B3GAT2: variants seen among roughly 807,000 people sequenced by gnomAD.
The protein encoded by B3GAT2 is galactosylgalactosylxylosylprotein 3-beta-glucuronosyltransferase 2.
Under a neutral mutation model 27.8 loss-of-function variants are expected in B3GAT2, and 26 were observed. That is an observed-to-expected ratio of 0.93 (90% CI 0.68 to 1.30). B3GAT2 has a LOEUF of 1.30. Among genes scored for constraint, B3GAT2 ranks in the 50% most tolerant of loss-of-function variants. The pLI is 0.00. For missense variants in B3GAT2, 458 were observed against 459.0 expected, an observed-to-expected ratio of 1.00 and a Z score of 0.02; for synonymous variants, 218 against 195.1, an observed-to-expected ratio of 1.12 and a Z score of -0.98.
intron 2 of B3GAT2, among the ~76,000 whole-genome samples, chr6:70,873,237 C>A (rs1190578086): frequency 1.3e-5 from 2 of 152,086 alleles, no homozygotes; most frequent in Non-Finnish European, 2.9e-5. Context: ...TCTTGTAGGG[C>A]ACATGTGCTA....
At chr6:70,894,649 C>T (rs1324002817) in intron 1 of B3GAT2, among the ~76,000 whole-genome samples, 1 of 152,212 alleles carries the variant, frequency 6.6e-6, no homozygotes, top group Non-Finnish European at 1.5e-5. Context: ...CTTTAGGAAA[C>T]TTCATTACTC....
At chr6:70,954,511 G>A (rs1765619938) in intron 1 of B3GAT2, among the ~76,000 whole-genome samples, 1 of 152,216 alleles carries the variant, frequency 6.6e-6, no homozygotes, top group Non-Finnish European at 1.5e-5. Context: ...AACTGGAAGA[G>A]TACAGAATAG....
intron 1 of B3GAT2, among the ~76,000 whole-genome samples, chr6:70,895,818 C>T (rs931727795): frequency 6.7e-6 from 1 of 149,196 alleles, no homozygotes; most frequent in Admixed American, 6.7e-5. Flanking sequence ...TGCTAACTCA[C>T]ACTAACTTTT....
Position 70,910,635 on chromosome 6 carries a change from T to C in B3GAT2, c.592-16363A>G, listed in dbSNP as rs1018489480. Among the ~76,000 whole-genome samples the C allele has an allele frequency of 2.6e-5, 4 of 152,174 alleles. No individual in the cohort carries two copies. The East Asian group carries it at 7.7e-4, about 29-fold the overall frequency. ...ACTGTGAATAGTGCTGCGATGAACG[T>C]GTGTGTGCATGTGTCTTTATGGTAG... On this transcript the variant is annotated intron_variant, in intron 1 of 3. Coordinates refer to ENST00000230053, the MANE Select transcript of B3GAT2 (RefSeq NM_080742.3).
chr6:70,935,700 G>T (rs76774779), intron 1 of B3GAT2, among the ~76,000 whole-genome samples: 7,053 of 152,138 alleles, frequency 0.046, 184 homozygotes, highest in Middle Eastern at 0.065. Flanking sequence ...ACAAGCAAAT[G>T]CTGAGAGAAT....
At chr6:70,898,428 C>G (rs1340858629) in intron 1 of B3GAT2, among the ~76,000 whole-genome samples, 1 of 152,182 alleles carries the variant, frequency 6.6e-6, no homozygotes, top group African/African-American at 2.4e-5. Context: ...TCAGACTCCT[C>G]TTTCCTGACA....
intron 1 of B3GAT2, among the ~76,000 whole-genome samples, chr6:70,944,026 A>G (rs950227196): frequency 2.6e-5 from 4 of 152,196 alleles, no homozygotes; most frequent in Admixed American, 2.0e-4. Flanking sequence ...TAATTCCACA[A>G]TGTATCCCTA....
chr6:70,856,800 A>G lies in B3GAT2; in HGVS notation c.*4863T>C. On this transcript the variant is annotated 3_prime_UTR_variant, in exon 4 of 4. Transcript: ENST00000230053. ...TATAACTTTATTTGGATTTTAAGTA[A>G]TGGATAAGCTGCGCTTTACTATGCA... is the stretch of plus-strand genomic sequence containing the variant. The G allele has an allele frequency of 6.8e-7, 1 of 1,462,502 alleles. No individual in the cohort carries two copies. Among genetic ancestry groups the G allele is most frequent in the South Asian group, 1.5e-5 (1 of 66,734 alleles). 90.6% of individuals were successfully genotyped at this position (1,462,502 alleles called of 1,614,324 possible). A position where few individuals can be genotyped will look rare whatever the true frequency, so the allele number is the denominator to read the frequency against.
chr6:70,900,504 T>A (rs1772480015), intron 1 of B3GAT2, among the ~76,000 whole-genome samples: 1 of 151,956 alleles, frequency 6.6e-6, no homozygotes, highest in Non-Finnish European at 1.5e-5. Context: ...TCCTCCCACC[T>A]CAGCCTTCTG....
chr6:70,946,042 A>T (rs913744931), intron 1 of B3GAT2, among the ~76,000 whole-genome samples: 3 of 152,114 alleles, frequency 2.0e-5, no homozygotes, highest in Non-Finnish European at 4.4e-5. Context: ...TGCCACCACC[A>T]GGCCTGCCCT....
At chr6:70,884,358 T>G (rs1033409572) in intron 2 of B3GAT2, among the ~76,000 whole-genome samples, 3 of 152,190 alleles carry the variant, frequency 2.0e-5, no homozygotes, top group African/African-American at 7.2e-5. Context: ...CGAGAAGCTT[T>G]AAATCTTAAT....
intron 1 of B3GAT2, among the ~76,000 whole-genome samples, chr6:70,927,509 A>T (rs1562231317): frequency 6.6e-6 from 1 of 152,242 alleles, no homozygotes; most frequent in Non-Finnish European, 1.5e-5. Context: ...AAAGCAAAAA[A>T]ACCGGGGGTT....
chr6:70,933,566 T>C (rs1040927307), intron 1 of B3GAT2, among the ~76,000 whole-genome samples: 1 of 152,344 alleles, frequency 6.6e-6, no homozygotes, highest in Non-Finnish European at 1.5e-5. Context: ...TGAACAGATG[T>C]AGCTGAGGAA....
At chr6:70,947,978 A>G (rs9718282) in intron 1 of B3GAT2, among the ~76,000 whole-genome samples, 108,851 of 151,566 alleles carry the variant, frequency 0.72, 39,396 homozygotes, top group African/African-American at 0.77. Flanking sequence ...AAAGACAAAA[A>G]CCACATGATT....
At chr6:70,952,521 C>A (rs1765593523) in intron 1 of B3GAT2, among the ~76,000 whole-genome samples, 2 of 152,106 alleles carry the variant, frequency 1.3e-5, no homozygotes. Context: ...TCACATTTAT[C>A]TGTAGTTGTG....
At position 70,858,673 on chromosome 6, in the gene B3GAT2, C is replaced by A. The variant is rs1250969904; in HGVS notation, c.*2990G>T. 1 of 155,124 alleles carries A rather than the reference C, an allele frequency of 6.4e-6. No individual in the cohort carries two copies. Among genetic ancestry groups the A allele is most frequent in the Non-Finnish European group, 1.4e-5 (1 of 70,170 alleles). The allele number at this position is 155,124 out of a possible 1,614,324, so 9.6% of individuals were successfully genotyped here. On this transcript the variant is annotated 3_prime_UTR_variant, in exon 4 of 4. Coordinates refer to ENST00000230053, the MANE Select transcript of B3GAT2 (RefSeq NM_080742.3). ...TTTTATTAGAAAATAAAAATCTAGC[C>A]TCATATTCTCAAAGCACTATTTTAT...
At chr6:70,862,941 C>G (rs1300583045) in intron 2 of B3GAT2, among the ~76,000 whole-genome samples, 1 of 152,166 alleles carries the variant, frequency 6.6e-6, no homozygotes, top group East Asian at 1.9e-4. Context: ...TGTGCCACTG[C>G]AACTCCAGCC....
At chr6:70,881,602 C>T (rs1419861720) in intron 2 of B3GAT2, among the ~76,000 whole-genome samples, 1 of 152,146 alleles carries the variant, frequency 6.6e-6, no homozygotes, top group Non-Finnish European at 1.5e-5. Flanking sequence ...GTGATAGAGC[C>T]TTTCCCTCCA....
intron 1 of B3GAT2, among the ~76,000 whole-genome samples, chr6:70,908,473 T>C (rs1408539429): frequency 6.6e-6 from 1 of 152,182 alleles, no homozygotes; most frequent in East Asian, 1.9e-4. Flanking sequence ...AAGTACAGCA[T>C]TTATGAGAAT....
Sources: gnomAD v4.1 joint callset for allele counts (sites outside exome capture counted in the v4.1 genomes callset) on GRCh38, gnomAD v4.1.1 for gene constraint, MANE v1.5 for transcripts, NCBI Gene and HGNC (gene_info 2026-07-23, HGNC 2026-07-21) for gene names.